COA6: variants seen among roughly 807,000 people sequenced by gnomAD.
COA6 encodes cytochrome c oxidase assembly factor 6 homolog.
A neutral mutation model predicts 17.1 loss-of-function variants in COA6; 12 were observed. That is an observed-to-expected ratio of 0.70 (90% CI 0.45 to 1.14). The LOEUF is 1.14. COA6 is among the 50% of genes most tolerant of loss of function. The pLI is 0.00. For missense variants in COA6, 246 were observed against 196.5 expected, an observed-to-expected ratio of 1.25 and a Z score of -1.51; for synonymous variants, 90 against 73.4, an observed-to-expected ratio of 1.23 and a Z score of -1.16.
chr1:234,378,125 C>A (rs2752), intron 2 of COA6, among the ~76,000 whole-genome samples: 83,008 of 151,964 alleles, frequency 0.55, 24,356 homozygotes, highest in African/African-American at 0.77. Flanking sequence ...TTGTAAAAAG[C>A]GTATTTATTA....
chr1:234,377,059 CGAGAGAGAGAGAGAGAG>C (rs1270711097), intron 2 of COA6, among the ~76,000 whole-genome samples: 23,273 of 82,612 alleles, frequency 0.28, 5,680 homozygotes, highest in Admixed American at 0.41. Flanking sequence ...GCTGTGTTGC[CGAGAGAGAGAGAGAGAG>C]AGAGAGAGAG....
Position 234,373,633 on chromosome 1 carries a change from C to T in COA6, c.167C>T (p.Ser56Phe). The change falls in exon 1 of 3, where the codon TCC becomes TTC. Residue 56 changes from serine (S) to phenylalanine (F), a missense_variant. Physicochemically the swap from Ser to Phe is radical, Grantham distance 155 (BLOSUM62 -2). Transcript: ENST00000366615. The part of the protein sequence containing the change: ...HRRLVACVTV[S>F]SRRHRKEAGR... ...CGGTTGGTGGCCTGCGTGACAGTTT[C>T]CTCCCGTCGACATCGAAAGGAAGCC... The T allele has an allele frequency of 1.2e-6, 2 of 1,613,234 alleles. No individual in the cohort carries two copies. The highest frequency in any genetic ancestry group is 1.7e-6 in the Non-Finnish European group (2 of 1,179,534).
chr1:234,383,706 C>CTTT lies in COA6; in HGVS notation c.373-10_373-8dup, dbSNP rs58896934. The stretch of plus-strand genomic sequence containing the variant: ...GCATAACTTGCCCTTATTTCAAATC[C>CTTT]TTTTTTTTTCCAACAGATAAAATAT... On this transcript the variant is annotated splice_polypyrimidine_tract_variant and intron_variant, in intron 2 of 2. Coordinates refer to ENST00000366615, the MANE Select transcript of COA6 (RefSeq NM_001206641.3). 8.6e-6 allele frequency: 9 copies of CTTT among 1,052,568 alleles called. No homozygotes were observed. Among genetic ancestry groups the CTTT allele is most frequent in the Admixed American group, 2.1e-5 (1 of 46,860 alleles). The allele number at this position is 1,052,568 out of a possible 1,614,324, so 65.2% of individuals were successfully genotyped here. A position where few individuals can be genotyped will look rare whatever the true frequency, so the allele number is the denominator to read the frequency against.
At chr1:234,383,524 T>G (rs1659040360) in intron 2 of COA6, among the ~76,000 whole-genome samples, 199 bp from the exon 3 acceptor site, 1 of 148,064 alleles carries the variant, frequency 6.8e-6, no homozygotes, top group Non-Finnish European at 1.5e-5. Flanking sequence ...ACCCTAAAAC[T>G]TAAAGTATAA....
rs138478672 is a variant in COA6 at position 234,380,145 on chromosome 1, A to G, written c.373-3578A>G. ...GTTATTTCTCAGCCTGCCCTTCACT[A>G]TCGGTTCTTTGCTCCCTGTTCACCT... On this transcript the variant is annotated intron_variant, in intron 2 of 2. Transcript: ENST00000366615. 4.0e-3 allele frequency among the ~76,000 whole-genome samples: 604 copies of G among 152,214 alleles called. 6 individuals carry two copies. The highest frequency in any genetic ancestry group is 0.014 in the African/African-American group (571 of 41,532).
In COA6 at chr1:234,375,876, G is replaced by A. The variant is rs1050721324; in HGVS notation, c.372+1487G>A. ...TCACTATGTTGCCCAGGCTGGGCTC[G>A]AACTCCTGGGCTCAAGTGATCTTCC... On this transcript the variant is annotated intron_variant, in intron 2 of 2. Coordinates refer to ENST00000366615, the MANE Select transcript of COA6 (RefSeq NM_001206641.3). 5.3e-5 allele frequency among the ~76,000 whole-genome samples: 8 copies of A among 152,038 alleles called. No homozygotes were observed. The East Asian group carries it at 1.5e-3, about 29-fold the overall frequency.
chr1:234,379,255 A>G (rs1658900490), intron 2 of COA6, among the ~76,000 whole-genome samples: 2 of 152,038 alleles, frequency 1.3e-5, no homozygotes, highest in Admixed American at 6.5e-5. Flanking sequence ...GAGGGAAGTG[A>G]GGCCATGAGA....
chr1:234,383,704 T>A lies in COA6; in HGVS notation c.373-19T>A, dbSNP rs575609182. 1,857 of 1,018,678 alleles carry A rather than the reference T, an allele frequency of 1.8e-3. 26 individuals carry two copies. In the African/African-American group the frequency reaches 0.046, roughly 25 times the overall value. 63.1% of individuals were successfully genotyped at this position (1,018,678 alleles called of 1,614,324 possible). ...CTGCATAACTTGCCCTTATTTCAAA[T>A]CCTTTTTTTTTCCAACAGATAAAAT... is the stretch of plus-strand genomic sequence containing the variant. On this transcript the variant is annotated intron_variant, in intron 2 of 2. Coordinates refer to ENST00000366615, the MANE Select transcript of COA6 (RefSeq NM_001206641.3).
intron 2 of COA6, among the ~76,000 whole-genome samples, chr1:234,380,098 T>C (rs1658930339): frequency 1.3e-5 from 2 of 152,224 alleles, no homozygotes; most frequent in Admixed American, 6.5e-5. Flanking sequence ...TGCACCACTG[T>C]TCTTTCTTAG....
chr1:234,375,523 G>C (rs969539995), intron 2 of COA6, among the ~76,000 whole-genome samples: 1 of 152,174 alleles, frequency 6.6e-6, no homozygotes, highest in Non-Finnish European at 1.5e-5. Flanking sequence ...GTGGTTTTAG[G>C]GGTTTTGCCC....
chr1:234,380,207 A>T (rs1658933438), intron 2 of COA6, among the ~76,000 whole-genome samples: 1 of 152,076 alleles, frequency 6.6e-6, no homozygotes, highest in Non-Finnish European at 1.5e-5. Flanking sequence ...TCAAAGTCCT[A>T]CTCAATTGCC....
At chr1:234,374,847 G>A (rs1658741937) in intron 2 of COA6, among the ~76,000 whole-genome samples, 1 of 152,162 alleles carries the variant, frequency 6.6e-6, no homozygotes, top group South Asian at 2.1e-4. Flanking sequence ...GGTTCATATG[G>A]TGGATTCTGT....
At chr1:234,373,931 C>A in intron 1 of COA6, 1 of 1,431,868 alleles carries the variant, frequency 7.0e-7, no homozygotes, top group Non-Finnish European at 9.5e-7. Flanking sequence ...CTGCCCTAAG[C>A]GACTGGGACA....
In COA6 at chr1:234,383,809, A is replaced by G. The variant is rs1659053407; in HGVS notation, c.459A>G (p.Ala153=). ...AGQFEPSETT[A]KS ...AATTTGAGCCTTCAGAAACAACTGC[A>G]AAATCCTAGGCTGTTCATAAAGATT... Residue 153 remains alanine (A), a synonymous_variant, in exon 3 of 3, where the codon GCA becomes GCG. Transcript: ENST00000366615. The G allele has an allele frequency of 1.3e-6, 2 of 1,554,636 alleles. No homozygotes were observed. Among genetic ancestry groups the G allele is most frequent in the African/African-American group, 1.4e-5 (1 of 73,488 alleles).
chr1:234,382,906 C>T (rs2103019340), intron 2 of COA6, among the ~76,000 whole-genome samples: 1 of 152,128 alleles, frequency 6.6e-6, no homozygotes, highest in South Asian at 2.1e-4. Flanking sequence ...ACTTGGGAGG[C>T]TGAGGCCAGA....
chr1:234,384,809 T>C lies in COA6; in HGVS notation c.*991T>C, dbSNP rs959367435. Among the ~76,000 whole-genome samples, 1 of 152,220 alleles carries C rather than the reference T, an allele frequency of 6.6e-6. No individual in the cohort carries two copies. Among genetic ancestry groups the C allele is most frequent in the Non-Finnish European group, 1.5e-5 (1 of 68,036 alleles). On this transcript the variant is annotated 3_prime_UTR_variant, in exon 3 of 3. Transcript: ENST00000366615. ...TTAAAAATCCAGTATAACACCTATT[T>C]ACATTGTATTAGGTATTGTAAGTCA...
intron 2 of COA6, among the ~76,000 whole-genome samples, chr1:234,374,685 G>A (rs1297410801): frequency 6.6e-6 from 1 of 152,158 alleles, no homozygotes; most frequent in South Asian, 2.1e-4. Flanking sequence ...TTCTGAAGGG[G>A]TAGTATTTAA....
intron 2 of COA6, among the ~76,000 whole-genome samples, chr1:234,383,467 A>G (rs534000517): frequency 2.6e-5 from 4 of 152,118 alleles, no homozygotes; most frequent in East Asian, 1.9e-4. Context: ...GCACACCAAC[A>G]TGGCACATGT....
At chr1:234,374,112 GTTTTT>G in intron 1 of COA6, 113 bp from the exon 2 acceptor site, 3 of 861,666 alleles carry the variant, frequency 3.5e-6, no homozygotes, top group Non-Finnish European at 5.1e-6. Context: ...TTTTGTTTTT[GTTTTT>G]TTTTTTTTTT....
Sources: gnomAD v4.1 joint callset for allele counts (sites outside exome capture counted in the v4.1 genomes callset) on GRCh38, gnomAD v4.1.1 for gene constraint, MANE v1.5 for transcripts, NCBI Gene and HGNC (gene_info 2026-07-23, HGNC 2026-07-21) for gene names.